Variants in DDC observed in about 807,000 individuals in gnomAD.
DDC encodes the protein aromatic-L-amino-acid decarboxylase.
In DDC, 43 loss-of-function variants were observed where a neutral mutation model predicts 60.0. The ratio of observed to expected loss-of-function variants is 0.72; its 90% CI spans 0.56 to 0.92. The LOEUF (loss-of-function observed/expected upper bound fraction) is 0.92, where lower values mean the gene tolerates loss of function less well. Among genes scored for constraint, DDC ranks in the 40% least tolerant of loss-of-function variants. The pLI is 0.00. For synonymous variants in DDC, 232 were observed against 234.6 expected (o/e 0.99, Z 0.10); for missense variants, 573 against 620.2 (o/e 0.92, Z 0.81).
intron 14 of DDC, among the ~76,000 whole-genome samples, chr7:50,460,096 G>A (rs1473099348): frequency 2.7e-5 from 4 of 145,524 alleles, no homozygotes; most frequent in South Asian, 4.3e-4. Context: ...CGCCCCATCC[G>A]GGAGGTGAGG....
intron 13 of DDC, 134 bp from the exon 14 acceptor site, chr7:50,463,565 T>C: frequency 1.3e-6 from 1 of 765,780 alleles, no homozygotes; most frequent in Non-Finnish European, 2.3e-6. Context: ...CCCCTTGCGT[T>C]TACGATGTTA....
Position 50,537,986 on chromosome 7 carries a change from T to G in DDC, c.316-7A>C, listed in dbSNP as rs11575318. ...TGCATGCTGGGCTTGCCGCCTGTCG[T>G]GGGGGAAGGGAAGGGATTAACCGAG... On this transcript the variant is annotated splice_polypyrimidine_tract_variant and splice_region_variant and intron_variant, in intron 3 of 14. Transcript: ENST00000444124. 1.4e-5 allele frequency: 22 copies of G among 1,613,984 alleles called. No homozygotes were observed. In the Admixed American group the frequency reaches 3.7e-4, roughly 27 times the overall value.
chr7:50,461,327 A>C (rs1265706808), intron 14 of DDC, among the ~76,000 whole-genome samples: 1 of 152,254 alleles, frequency 6.6e-6, no homozygotes, highest in Non-Finnish European at 1.5e-5. Context: ...GACCACATGA[A>C]TATGTGTAAT....
chr7:50,459,981 C>T (rs1223504648), intron 14 of DDC, among the ~76,000 whole-genome samples: 7 of 140,930 alleles, frequency 5.0e-5, no homozygotes, highest in African/African-American at 1.1e-4. Flanking sequence ...AGGTGAGGGG[C>T]GCCTCTGCCC....
At chr7:50,514,659 T>C (rs192550405) in intron 6 of DDC, among the ~76,000 whole-genome samples, 161 of 152,230 alleles carry the variant, frequency 1.1e-3, no homozygotes, top group African/African-American at 3.7e-3. Flanking sequence ...CAGGAAACTT[T>C]GGACACACTT....
intron 9 of DDC, 132 bp from the exon 10 acceptor site, chr7:50,479,995 G>A: frequency 1.4e-6 from 1 of 720,242 alleles, no homozygotes; most frequent in Admixed American, 2.0e-5. Flanking sequence ...TGCCTGCACG[G>A]CCCTGTCTCT....
intron 4 of DDC, among the ~76,000 whole-genome samples, chr7:50,537,106 G>A (rs1426644667): frequency 6.7e-6 from 1 of 149,706 alleles, no homozygotes; most frequent in Admixed American, 6.7e-5. Context: ...CAACCCCAGT[G>A]GAATAGAAAT....
chr7:50,514,864 C>T (rs547651496), intron 6 of DDC, among the ~76,000 whole-genome samples: 48 of 152,178 alleles, frequency 3.2e-4, no homozygotes, highest in African/African-American at 9.9e-4. Context: ...CGCAATCCAA[C>T]AAAGATAAAG....
chr7:50,478,819 C>T (rs2042705896), intron 10 of DDC, among the ~76,000 whole-genome samples: 3 of 152,118 alleles, frequency 2.0e-5, no homozygotes, highest in African/African-American at 4.8e-5. Context: ...AGAGTTAAAG[C>T]GAACAATGCA....
intron 7 of DDC, among the ~76,000 whole-genome samples, chr7:50,502,003 G>A (rs147162513): frequency 1.3e-5 from 2 of 152,272 alleles, no homozygotes; most frequent in African/African-American, 4.8e-5. Context: ...GAACCCAGGA[G>A]GCAGATGTTG....
chr7:50,550,562 G>A (rs11974297), intron 1 of DDC, among the ~76,000 whole-genome samples: 80,679 of 152,014 alleles, frequency 0.53, 22,323 homozygotes, highest in Non-Finnish European at 0.61. Context: ...AAGTCCTTAT[G>A]ACATGTGGCC....
intron 8 of DDC, among the ~76,000 whole-genome samples, chr7:50,498,383 CCTT>C (rs2043171341): frequency 6.6e-6 from 1 of 152,224 alleles, no homozygotes; most frequent in Non-Finnish European, 1.5e-5. Context: ...TTTGCTACCT[CCTT>C]CTCTTGGAAA....
intron 14 of DDC, among the ~76,000 whole-genome samples, chr7:50,462,021 A>G (rs2042284968): frequency 6.6e-6 from 1 of 152,178 alleles, no homozygotes; most frequent in South Asian, 2.1e-4. Context: ...TGAGCACTAT[A>G]CTTTTTCAGA....
intron 6 of DDC, among the ~76,000 whole-genome samples, chr7:50,515,237 G>C (rs1016179309): frequency 6.6e-6 from 1 of 152,180 alleles, no homozygotes; most frequent in African/African-American, 2.4e-5. Context: ...AGCCAGAAGG[G>C]ATTGGGACCC....
intron 12 of DDC, among the ~76,000 whole-genome samples, chr7:50,467,909 A>T (rs966301837): frequency 1.3e-5 from 2 of 152,364 alleles, no homozygotes; most frequent in East Asian, 3.9e-4. Flanking sequence ...AGAGCTGGGC[A>T]TCCTGTCCGC....
intron 9 of DDC, 184 bp from the exon 10 acceptor site, chr7:50,480,047 A>G (rs1278361238): frequency 1.6e-6 from 1 of 618,220 alleles, no homozygotes; most frequent in African/African-American, 1.8e-5. Flanking sequence ...TAAAAAATAA[A>G]TATTTGGTCT....
At chr7:50,500,157 G>A (rs1335930401) in intron 7 of DDC, among the ~76,000 whole-genome samples, 2 of 152,040 alleles carry the variant, frequency 1.3e-5, no homozygotes, top group Admixed American at 6.6e-5. Context: ...CTCACAGGGT[G>A]GATACCAGTG....
intron 9 of DDC, among the ~76,000 whole-genome samples, chr7:50,486,198 A>G (rs2042876091): frequency 6.6e-6 from 1 of 152,200 alleles, no homozygotes; most frequent in South Asian, 2.1e-4. Flanking sequence ...TTCTATATCC[A>G]TAAGAAGTGA....
At chr7:50,539,324 G>C (rs1333058376) in intron 3 of DDC, among the ~76,000 whole-genome samples, 1 of 152,134 alleles carries the variant, frequency 6.6e-6, no homozygotes, top group Admixed American at 6.5e-5. Context: ...TCTGTGCCTG[G>C]AGCACAGAGT....
Sources: allele counts gnomAD v4.1 joint callset (sites outside exome capture counted in the v4.1 genomes callset), GRCh38; gene constraint gnomAD v4.1.1; transcripts MANE v1.5; gene names NCBI Gene and HGNC (gene_info 2026-07-23, HGNC 2026-07-21).